The following DDX52 variants were observed in gnomAD, a reference collection of about 807,000 sequenced individuals.
The protein encoded by DDX52 is probable ATP-dependent RNA helicase DDX52.
A neutral mutation model predicts 76.1 loss-of-function variants in DDX52; 59 were observed. The ratio of observed to expected loss-of-function variants is 0.78; its 90% CI spans 0.63 to 0.96. DDX52 has a LOEUF of 0.96. Among genes scored for constraint, DDX52 ranks in the 40% least tolerant of loss-of-function variants. The probability of loss-of-function intolerance (pLI) is 0.00; values close to 1 mark genes in which losing one functional copy is unlikely to be tolerated. For missense variants in DDX52, 707 were observed against 703.9 expected, an observed-to-expected ratio of 1.00 and a Z score of -0.05; for synonymous variants, 231 against 244.1, an observed-to-expected ratio of 0.95 and a Z score of 0.50.
intron 2 of DDX52, among the ~76,000 whole-genome samples, chr17:37,638,468 G>A (rs1467081218): frequency 3.3e-5 from 5 of 152,146 alleles, no homozygotes; most frequent in Admixed American, 2.6e-4. Context: ...AAACAGAATA[G>A]AAGAGGTCCA....
intron 8 of DDX52, among the ~76,000 whole-genome samples, chr17:37,625,103 T>C (rs1292939993): frequency 6.6e-6 from 1 of 152,012 alleles, no homozygotes; most frequent in Non-Finnish European, 1.5e-5. Context: ...CCTCCCAAGC[T>C]CAAGCAATAC....
rs2064330666 is a variant in DDX52 at position 37,610,854 on chromosome 17, A to G, written c.*3442T>C. 6.6e-6 allele frequency: 1 copy of G among 152,222 alleles called. No individual in the cohort carries two copies. Among genetic ancestry groups the G allele is most frequent in the Non-Finnish European group, 1.5e-5 (1 of 68,036 alleles). 9.4% of individuals were successfully genotyped at this position (152,222 alleles called of 1,614,324 possible). On this transcript the variant is annotated 3_prime_UTR_variant, in exon 15 of 15. Transcript: ENST00000617633. ...CTTTTGCTGTAACTGCCTGTTCACT[A>G]ATTTCACTCCTTCCCTTCCTTGTGT... is the stretch of plus-strand genomic sequence containing the variant.
rs1278180472 is a variant in DDX52 at position 37,620,964 on chromosome 17, C to A, written c.1502-16G>T. The A allele has an allele frequency of 6.3e-7, 1 of 1,576,322 alleles. No homozygotes were observed. The highest frequency in any genetic ancestry group is 8.6e-7 in the Non-Finnish European group (1 of 1,169,442). ...CCAGTTCGACCTAAGAAAAATTAGACCATTAAAAAACACATTTTGGGGGGA... is the reference window on the plus strand; with the variant it reads ...CCAGTTCGACCTAAGAAAAATTAGAACATTAAAAAACACATTTTGGGGGGA... On this transcript the variant is annotated splice_polypyrimidine_tract_variant and intron_variant, in intron 11 of 14. Coordinates refer to ENST00000617633, the MANE Select transcript of DDX52 (RefSeq NM_007010.5).
Position 37,630,135 on chromosome 17 carries a change from T to C in DDX52, c.642A>G (p.Gly214=), listed in dbSNP as rs190578460. The C allele has an allele frequency of 8.2e-5, 133 of 1,613,810 alleles. No individual in the cohort carries two copies. In the East Asian group the frequency reaches 2.8e-3, roughly 34 times the overall value. ...ELLASAPTGS[G]KTLAFSIPIL... The stretch of plus-strand genomic sequence containing the variant: ...TAGGAATGCTAAAAGCTAATGTTTT[T>C]CCAGATCCAGTTGGAGCAGAAGCCA... Residue 214 remains glycine, a synonymous_variant, in exon 5 of 15, where the codon GGA becomes GGG. Coordinates refer to ENST00000617633, the MANE Select transcript of DDX52 (RefSeq NM_007010.5).
Position 37,626,785 on chromosome 17 carries a change from T to G in DDX52, c.932+3A>C, listed in dbSNP as rs770860048. On this transcript the variant is annotated splice_donor_region_variant and intron_variant, in intron 7 of 14. Coordinates refer to ENST00000617633, the MANE Select transcript of DDX52 (RefSeq NM_007010.5). Reference sequence around the variant, plus strand: ...ACGAAAGACATGAAAATATCATCTATACCTTGCTAGGTCGATTCCGGGGGG... The same window carrying G: ...ACGAAAGACATGAAAATATCATCTAGACCTTGCTAGGTCGATTCCGGGGGG... 1.2e-6 allele frequency: 2 copies of G among 1,609,618 alleles called. No individual in the cohort carries two copies. Among genetic ancestry groups the G allele is most frequent in the Non-Finnish European group, 1.7e-6 (2 of 1,177,592 alleles).
chr17:37,630,471 A>G (rs191083468), intron 4 of DDX52, among the ~76,000 whole-genome samples: 2 of 152,306 alleles, frequency 1.3e-5, no homozygotes, highest in East Asian at 3.9e-4. Flanking sequence ...CTTTTCCACT[A>G]AACTATTGTC....
At chr17:37,627,780 T>C (rs1219692702) in intron 6 of DDX52, among the ~76,000 whole-genome samples, 1 of 151,940 alleles carries the variant, frequency 6.6e-6, no homozygotes, top group Non-Finnish European at 1.5e-5. Flanking sequence ...TCTTTTTGTT[T>C]TTTTTAAGAT....
Position 37,619,857 on chromosome 17 carries a change from A to C in DDX52, c.1578-18T>G. ...TAGCAACGCTGAAAAAGAAACCCAT[A>C]AACATAAACTTGTATCTTTGCTAAA... On this transcript the variant is annotated intron_variant, in intron 12 of 14. Coordinates refer to ENST00000617633, the MANE Select transcript of DDX52 (RefSeq NM_007010.5). 3 of 1,611,312 alleles carry C rather than the reference A, an allele frequency of 1.9e-6. No homozygotes were observed. Among genetic ancestry groups the C allele is most frequent in the Non-Finnish European group, 2.5e-6 (3 of 1,179,066 alleles).
Position 37,614,300 on chromosome 17 carries a change from C to T in DDX52, c.1796G>A (p.Ser599Asn), listed in dbSNP as rs779780170. The T allele has an allele frequency of 3.2e-5, 52 of 1,612,378 alleles. No homozygotes were observed. The highest frequency in any genetic ancestry group is 2.7e-5 in the Non-Finnish European group (32 of 1,179,522). ...CAGTATTTTTAAAGTCTGTTTTTAA[C>T]TTTTGTCTTCAAGAGCTACTTTCTT... ...SKKKVALEDK[S>N] is the part of the protein sequence containing the mutation. The change falls in exon 15 of 15, where the codon AGT (serine) becomes AAT (asparagine). Residue 599 changes from serine (S) to asparagine (N), a missense_variant. Ser to Asn is a conservative substitution (Grantham distance 46). Coordinates refer to ENST00000617633, the MANE Select transcript of DDX52 (RefSeq NM_007010.5).
Position 37,638,527 on chromosome 17 carries a change from G to A in DDX52, c.286+3583C>T, listed in dbSNP as rs111546025. Among the ~76,000 whole-genome samples the A allele has an allele frequency of 4.6e-3, 706 of 152,212 alleles. 2 individuals are homozygous for A. The highest frequency in any genetic ancestry group is 7.5e-3 in the Non-Finnish European group (509 of 68,008). ...AAAATAAGTATACAATTAAAGTTGC[G>A]TTAAAGTCCAATAGAGAAAACACGG... On this transcript the variant is annotated intron_variant, in intron 2 of 14. Transcript: ENST00000617633.
intron 7 of DDX52, 73 bp downstream of exon 7, chr17:37,626,715 C>A (rs1160554881): frequency 6.9e-7 from 1 of 1,459,772 alleles, no homozygotes; most frequent in Non-Finnish European, 9.4e-7. Context: ...ACAAAAAATA[C>A]AAGCAATAGA....
Position 37,639,281 on chromosome 17 carries a change from CGAA to C in DDX52, c.286+2826_286+2828del, listed in dbSNP as rs551162677. Among the ~76,000 whole-genome samples, 24 of 152,036 alleles carry C rather than the reference CGAA, an allele frequency of 1.6e-4. No individual in the cohort carries two copies. In the East Asian group the frequency reaches 4.2e-3, roughly 27 times the overall value. On this transcript the variant is annotated intron_variant, in intron 2 of 14. Coordinates refer to ENST00000617633, the MANE Select transcript of DDX52 (RefSeq NM_007010.5). ...TAATACAATAAGGGTACAACGTACA[CGAA>C]GAGACAAATTTACAAAAAGAGAAAA...
At position 37,619,781 on chromosome 17, in the gene DDX52, G is replaced by GA; in HGVS notation, c.1635dup (p.Gln546SerfsTer13). 5.6e-6 allele frequency: 9 copies of GA among 1,613,498 alleles called. No homozygotes were observed. Among genetic ancestry groups the GA allele is most frequent in the Non-Finnish European group, 7.6e-6 (9 of 1,179,838 alleles). ...TCAAGATTGTACCTTAGTAGTTTCT[G>GA]AAAACCTTTTATGTATTCTGGTACA... On this transcript the variant is annotated frameshift_variant, in exon 13 of 15. Transcript: ENST00000617633. LOFTEE classifies it high-confidence loss of function.
chr17:37,638,682 C>T (rs1260366865), intron 2 of DDX52, among the ~76,000 whole-genome samples: 3 of 151,998 alleles, frequency 2.0e-5, no homozygotes, highest in Non-Finnish European at 2.9e-5. Flanking sequence ...CTATTCACTC[C>T]TTATACCAAA....
At chr17:37,642,346 G>C (rs2031245525) in intron 1 of DDX52, 38 bp from the exon 2 acceptor site, 4 of 1,575,004 alleles carry the variant, frequency 2.5e-6, no homozygotes, top group Non-Finnish European at 3.5e-6. Flanking sequence ...CCTACTGACA[G>C]AATACCATTG....
chr17:37,617,292 T>C (rs369819314), intron 14 of DDX52, among the ~76,000 whole-genome samples: 2 of 152,210 alleles, frequency 1.3e-5, no homozygotes, highest in Middle Eastern at 3.2e-3. Flanking sequence ...TCCTAGGCCA[T>C]TGATAGCACT....
chr17:37,621,156 G>A lies in DDX52; in HGVS notation c.1472C>T (p.Thr491Ile), dbSNP rs779958448. The A allele has an allele frequency of 6.2e-7, 1 of 1,612,882 alleles. No homozygotes were observed. The highest frequency in any genetic ancestry group is 1.1e-5 in the South Asian group (1 of 90,980). The change falls in exon 11 of 15, where the codon ACT (threonine) becomes ATT (isoleucine). Residue 491 changes from threonine (T) to isoleucine (I), a missense_variant. Coordinates refer to ENST00000617633, the MANE Select transcript of DDX52 (RefSeq NM_007010.5). ...VNLVINYDFP[T>I]SSVEYIHRIG... Reference sequence around the variant, plus strand: ...CCTGTGGATATATTCCACTGAGCTAGTTGGAAAGTCATAGTTGATCACCAA... The same window carrying A: ...CCTGTGGATATATTCCACTGAGCTAATTGGAAAGTCATAGTTGATCACCAA...
rs377283399 is a variant in DDX52, at chr17:37,643,394, C to G, written c.27G>C (p.Arg9=). Reference sequence around the variant, plus strand: ...TGTCGAATTTGGCCCCCGCGCCGAGCCGGCGAAAGAGATCGTGGACGTCCA... The same window carrying G: ...TGTCGAATTTGGCCCCCGCGCCGAGGCGGCGAAAGAGATCGTGGACGTCCA... MDVHDLFR[R]LGAGAKFDTR... The change falls in exon 1 of 15, where the codon CGG becomes CGC. Residue 9 remains arginine, a synonymous_variant. Transcript: ENST00000617633. 3.1e-6 allele frequency: 5 copies of G among 1,613,968 alleles called. No individual in the cohort carries two copies. Among genetic ancestry groups the G allele is most frequent in the Non-Finnish European group, 4.2e-6 (5 of 1,179,902 alleles).
chr17:37,630,206 G>C, intron 4 of DDX52, 33 bp from the exon 5 acceptor site: 1 of 1,528,310 alleles, frequency 6.5e-7, no homozygotes, highest in African/African-American at 1.4e-5. Context: ...ATACTACAAA[G>C]AAAGTACATA....
Sources: allele counts gnomAD v4.1 joint callset (sites outside exome capture counted in the v4.1 genomes callset), GRCh38; gene constraint gnomAD v4.1.1; transcripts MANE v1.5; gene names NCBI Gene and HGNC (gene_info 2026-07-23, HGNC 2026-07-21).